The following SOX5 variants were observed in gnomAD, a reference collection of about 807,000 sequenced individuals.
SOX5 encodes SRY-box transcription factor 5.
Under a neutral mutation model 92.0 loss-of-function variants are expected in SOX5, and 9 were observed. The observed-to-expected ratio is 0.10, with a 90% CI of 0.06 to 0.17. SOX5 has a LOEUF of 0.17. SOX5 is among the 10% of genes least tolerant of loss of function. SOX5 has a pLI of 1.00. For synonymous variants in SOX5, 344 were observed against 336.3 expected (o/e 1.02, Z -0.25); for missense variants, 642 against 944.5 (o/e 0.68, Z 4.20).
intron 3 of SOX5, among the ~76,000 whole-genome samples, chr12:24,239,468 T>C (rs950954076): frequency 6.6e-6 from 1 of 152,218 alleles, no homozygotes; most frequent in Non-Finnish European, 1.5e-5. Flanking sequence ...CTTGGCCTGG[T>C]GTGCCTCATT....
At chr12:24,032,556 G>A (rs1174071734) in intron 4 of SOX5, among the ~76,000 whole-genome samples, 1 of 151,802 alleles carries the variant, frequency 6.6e-6, no homozygotes, top group Non-Finnish European at 1.5e-5. Context: ...AATTTTGTAT[G>A]AAGAATTAAT....
Position 24,087,116 on chromosome 12 carries a change from G to A in SOX5, c.-2+126227C>T, listed in dbSNP as rs79772768. 6.4e-3 allele frequency among the ~76,000 whole-genome samples: 971 copies of A among 152,082 alleles called. 9 individuals carry two copies. Among genetic ancestry groups the A allele is most frequent in the South Asian group, 0.034 (162 of 4,826 alleles). On this transcript the variant is annotated intron_variant, in intron 4 of 4. Coordinates refer to the SOX5 transcript ENST00000446891. Reference sequence around the variant, plus strand: ...CTACATGTTGGACACTGCCCAGACAGTTACAGTACAACCACATGCTTTAAG... The same window carrying A: ...CTACATGTTGGACACTGCCCAGACAATTACAGTACAACCACATGCTTTAAG...
intron 3 of SOX5, among the ~76,000 whole-genome samples, chr12:24,218,078 G>A (rs965344364): frequency 1.3e-5 from 2 of 152,150 alleles, no homozygotes; most frequent in Non-Finnish European, 2.9e-5. Flanking sequence ...ATTCCTAGAA[G>A]TTTACAAATA....
chr12:23,599,743 C>G (rs1189617699), intron 9 of SOX5, among the ~76,000 whole-genome samples: 1 of 152,148 alleles, frequency 6.6e-6, no homozygotes, highest in African/African-American at 2.4e-5. Context: ...GAACTATAAG[C>G]CTATTCATAA....
chr12:24,468,593 C>G (rs935837731), intron 1 of SOX5, among the ~76,000 whole-genome samples: 1 of 152,154 alleles, frequency 6.6e-6, no homozygotes, highest in Non-Finnish European at 1.5e-5. Context: ...TAGTCAAACA[C>G]CGCCCCACAA....
intron 4 of SOX5, among the ~76,000 whole-genome samples, chr12:23,985,459 G>T (rs1216753536): frequency 6.6e-6 from 1 of 152,078 alleles, no homozygotes; most frequent in East Asian, 1.9e-4. Flanking sequence ...GGGATAATGA[G>T]TGGCAGTGCA....
At chr12:24,178,502 C>T (rs184714096) in intron 4 of SOX5, among the ~76,000 whole-genome samples, 2 of 152,090 alleles carry the variant, frequency 1.3e-5, no homozygotes, top group Non-Finnish European at 2.9e-5. Context: ...AAGCTCTGTG[C>T]CAGAAAATAC....
chr12:23,617,503 T>C (rs2076702949), intron 8 of SOX5, among the ~76,000 whole-genome samples: 1 of 152,218 alleles, frequency 6.6e-6, no homozygotes, highest in Admixed American at 6.5e-5. Flanking sequence ...CAATCTTGAT[T>C]TTTCTATTGC....
At chr12:24,522,489 C>T (rs1950347348) in intron 1 of SOX5, among the ~76,000 whole-genome samples, 1 of 151,982 alleles carries the variant, frequency 6.6e-6, no homozygotes, top group Admixed American at 6.6e-5. Context: ...AGCTTCAGGC[C>T]AATATCTTTG....
chr12:24,506,614 A>G (rs1031764293), intron 1 of SOX5, among the ~76,000 whole-genome samples: 2 of 151,948 alleles, frequency 1.3e-5, no homozygotes. Flanking sequence ...GCAAGGGGAG[A>G]GTGGCTATAG....
intron 6 of SOX5, among the ~76,000 whole-genome samples, chr12:23,717,019 C>T (rs1332790728): frequency 6.6e-6 from 1 of 152,164 alleles, no homozygotes; most frequent in Non-Finnish European, 1.5e-5. Context: ...GGCCTTTTAG[C>T]TGATGCTCCT....
intron 2 of SOX5, among the ~76,000 whole-genome samples, chr12:23,870,662 C>A (rs1033250016): frequency 3.9e-5 from 6 of 152,118 alleles, no homozygotes; most frequent in Admixed American, 3.3e-4. Context: ...AATAACTATT[C>A]AACCTATGTT....
At chr12:23,726,117 CCGAG>C (rs2093100472) in intron 6 of SOX5, among the ~76,000 whole-genome samples, 1 of 104,846 alleles carries the variant, frequency 9.5e-6, no homozygotes, top group Non-Finnish European at 2.1e-5. Flanking sequence ...ACATACATCC[CCGAG>C]AGAGAGAGAG....
At chr12:24,231,985 C>A (rs1408910295) in intron 3 of SOX5, among the ~76,000 whole-genome samples, 1 of 152,180 alleles carries the variant, frequency 6.6e-6, no homozygotes, top group African/African-American at 2.4e-5. Flanking sequence ...TTACCAATTT[C>A]TTTGTGATTT....
chr12:23,860,135 A>C (rs1167006909), intron 2 of SOX5, among the ~76,000 whole-genome samples: 1 of 152,108 alleles, frequency 6.6e-6, no homozygotes, highest in East Asian at 1.9e-4. Context: ...ACAGACACTG[A>C]GGTCTTCTTG....
chr12:23,884,934 T>A (rs2097046623), intron 2 of SOX5, among the ~76,000 whole-genome samples: 1 of 152,154 alleles, frequency 6.6e-6, no homozygotes, highest in Non-Finnish European at 1.5e-5. Flanking sequence ...CATATTTGAG[T>A]TGCACCTATC....
intron 4 of SOX5, among the ~76,000 whole-genome samples, chr12:24,089,720 C>T (rs1944419896): frequency 6.6e-6 from 1 of 152,120 alleles, no homozygotes; most frequent in Non-Finnish European, 1.5e-5. Context: ...CTGGTCTAAA[C>T]ACCAGATTGC....
At chr12:24,032,684 A>G (rs1033689601) in intron 4 of SOX5, among the ~76,000 whole-genome samples, 1 of 151,932 alleles carries the variant, frequency 6.6e-6, no homozygotes, top group Non-Finnish European at 1.5e-5. Context: ...CAGGTAGGTA[A>G]AACTACTAAA....
At chr12:23,737,526 C>A (rs9971706) in intron 5 of SOX5, among the ~76,000 whole-genome samples, 6 of 151,944 alleles carry the variant, frequency 3.9e-5, no homozygotes, top group African/African-American at 9.7e-5. Context: ...GGTGACAATG[C>A]GAGACTCCAT....
Sources: gnomAD v4.1 joint callset for allele counts (sites outside exome capture counted in the v4.1 genomes callset) on GRCh38, gnomAD v4.1.1 for gene constraint, MANE v1.5 for transcripts, NCBI Gene and HGNC (gene_info 2026-07-23, HGNC 2026-07-21) for gene names.